ERBB4: variants seen among roughly 807,000 people sequenced by gnomAD.
ERBB4 encodes the protein receptor tyrosine-protein kinase erbB-4.
ERBB4 carries 42 observed loss-of-function variants against 158.0 expected under a neutral mutation model. That is an observed-to-expected ratio of 0.27 (90% CI 0.21 to 0.34). ERBB4 has a LOEUF of 0.34. Ranked by LOEUF, ERBB4 falls within the 10% of genes least tolerant of loss-of-function variation. The pLI, the probability that ERBB4 is intolerant of heterozygous loss-of-function variation, is 1.00. For synonymous variants in ERBB4, 583 were observed against 558.7 expected, an observed-to-expected ratio of 1.04 and a Z score of -0.61; for missense variants, 1,333 against 1,624.1, an observed-to-expected ratio of 0.82 and a Z score of 3.08.
intron 3 of ERBB4, among the ~76,000 whole-genome samples, chr2:211,930,940 A>G (rs2125098691): frequency 6.6e-6 from 1 of 152,268 alleles, no homozygotes; most frequent in East Asian, 1.9e-4. Flanking sequence ...ACAGTATAAA[A>G]GTAATCTCTG....
At chr2:212,490,981 A>G (rs1367606137) in intron 1 of ERBB4, among the ~76,000 whole-genome samples, 1 of 151,700 alleles carries the variant, frequency 6.6e-6, no homozygotes, top group Non-Finnish European at 1.5e-5. Context: ...GTCAGTCTAA[A>G]CTGATTTTTT....
chr2:211,800,738 T>A (rs968118763), intron 3 of ERBB4, among the ~76,000 whole-genome samples: 1 of 151,622 alleles, frequency 6.6e-6, no homozygotes, highest in Admixed American at 6.6e-5. Flanking sequence ...TGAGGTGCGT[T>A]TCTTTTGCCT....
intron 4 of ERBB4, chr2:211,778,548 C>T (rs1452113970): frequency 3.9e-5 from 6 of 152,118 alleles, no homozygotes; most frequent in African/African-American, 1.2e-4. Context: ...TGGCATTCCC[C>T]CGGATAAATA....
At chr2:212,180,211 G>C (rs1368075879) in intron 1 of ERBB4, among the ~76,000 whole-genome samples, 2 of 151,566 alleles carry the variant, frequency 1.3e-5, no homozygotes, top group Non-Finnish European at 3.0e-5. Flanking sequence ...ATCCTCATAG[G>C]GGCTACACTG....
At chr2:212,226,189 C>CCTTA (rs2083462644) in intron 1 of ERBB4, among the ~76,000 whole-genome samples, 1 of 152,022 alleles carries the variant, frequency 6.6e-6, no homozygotes, top group Non-Finnish European at 1.5e-5. Context: ...GAGAGCAACC[C>CCTTA]CAGGCTGTTG....
intron 1 of ERBB4, among the ~76,000 whole-genome samples, chr2:212,502,706 T>C (rs976391798): frequency 6.6e-6 from 1 of 152,304 alleles, no homozygotes; most frequent in East Asian, 1.9e-4. Context: ...AAAAATAACA[T>C]GTCATTTTTG....
intron 2 of ERBB4, among the ~76,000 whole-genome samples, chr2:211,974,492 TG>T (rs370001948): frequency 1.1e-4 from 17 of 152,326 alleles, no homozygotes; most frequent in African/African-American, 4.1e-4. Flanking sequence ...CCATATAACC[TG>T]GGTAAATTAT....
At chr2:212,440,430 C>T (rs1290003808) in intron 1 of ERBB4, among the ~76,000 whole-genome samples, 1 of 152,176 alleles carries the variant, frequency 6.6e-6, no homozygotes, top group Non-Finnish European at 1.5e-5. Flanking sequence ...GACTGGCTGT[C>T]CTTGCTCCTC....
At chr2:211,653,672 CT>C (rs200260156) in intron 16 of ERBB4, among the ~76,000 whole-genome samples, 5,381 of 151,800 alleles carry the variant, frequency 0.035, 143 homozygotes, top group East Asian at 0.093. Context: ...CAATTATTTT[CT>C]TTTTTGGGGG....
At chr2:212,508,171 G>C (rs1429371451) in intron 1 of ERBB4, among the ~76,000 whole-genome samples, 2 of 151,986 alleles carry the variant, frequency 1.3e-5, no homozygotes, top group African/African-American at 4.8e-5. Context: ...TTGTATTTTT[G>C]GACATAATTG....
intron 3 of ERBB4, among the ~76,000 whole-genome samples, chr2:211,885,061 T>C (rs74338595): frequency 0.24 from 36,392 of 152,120 alleles, 5,349 homozygotes; most frequent in East Asian, 0.45. Context: ...TTATCTCTAA[T>C]ATTTTTTAAA....
rs183064606 is a variant in ERBB4, at chr2:211,769,955, C to T, written c.556+18070G>A. Among the ~76,000 whole-genome samples the T allele has an allele frequency of 2.0e-5, 3 of 152,280 alleles. No homozygotes were observed. The East Asian group carries it at 5.8e-4, about 29-fold the overall frequency. On this transcript the variant is annotated intron_variant, in intron 4 of 27. Transcript: ENST00000342788. ...TTTAGCAACACCCTCATAGACACAA[C>T]CAGGAAAAATACTTCGTATCCTTCA... is the stretch of plus-strand genomic sequence containing the variant.
intron 1 of ERBB4, among the ~76,000 whole-genome samples, chr2:212,321,272 T>C (rs2087557032): frequency 6.6e-6 from 1 of 150,570 alleles, no homozygotes; most frequent in Non-Finnish European, 1.5e-5. Context: ...TATTAACAAA[T>C]TAATTGAGGG....
chr2:212,516,450 T>C (rs1691848748), intron 1 of ERBB4, among the ~76,000 whole-genome samples: 1 of 152,078 alleles, frequency 6.6e-6, no homozygotes, highest in Admixed American at 6.6e-5. Flanking sequence ...TTCCAGTCTC[T>C]GCCACTGACT....
chr2:211,951,076 T>C (rs839524), intron 2 of ERBB4, among the ~76,000 whole-genome samples: 40 of 152,192 alleles, frequency 2.6e-4, no homozygotes, highest in African/African-American at 9.4e-4. Context: ...GATAAATGTG[T>C]TGATGGAGGG....
chr2:212,115,884 A>G (rs1459700880), intron 2 of ERBB4, among the ~76,000 whole-genome samples: 4 of 152,048 alleles, frequency 2.6e-5, no homozygotes, highest in Non-Finnish European at 5.9e-5. Flanking sequence ...TTTAAATACC[A>G]CAATGCCCAG....
intron 1 of ERBB4, among the ~76,000 whole-genome samples, chr2:212,195,789 G>A (rs1250917001): frequency 6.6e-6 from 1 of 152,026 alleles, no homozygotes; most frequent in Admixed American, 6.6e-5. Context: ...TTTATGTTGT[G>A]AGTTACCAAG....
chr2:211,986,633 C>T (rs543995865), intron 2 of ERBB4, among the ~76,000 whole-genome samples: 1 of 152,154 alleles, frequency 6.6e-6, no homozygotes, highest in Non-Finnish European at 1.5e-5. Context: ...GGCTCTAGGG[C>T]CAGATTTCCT....
At chr2:212,345,840 T>C (rs1420277160) in intron 1 of ERBB4, among the ~76,000 whole-genome samples, 3 of 152,120 alleles carry the variant, frequency 2.0e-5, no homozygotes, top group Admixed American at 6.6e-5. Context: ...ATCTATGAAT[T>C]TGGGTTCAAG....
Sources: gnomAD v4.1 joint callset for allele counts (sites outside exome capture counted in the v4.1 genomes callset) on GRCh38, gnomAD v4.1.1 for gene constraint, MANE v1.5 for transcripts, NCBI Gene and HGNC (gene_info 2026-07-23, HGNC 2026-07-21) for gene names.